Variants in CCR6 observed in about 807,000 individuals in gnomAD.
CCR6 encodes C-C motif chemokine receptor 6.
A neutral mutation model predicts 3.0 loss-of-function variants in CCR6; 2 were observed. The observed-to-expected ratio is 0.66, with a 90% CI of 0.27 to 2.07. The LOEUF (loss-of-function observed/expected upper bound fraction) is 2.07, where lower values mean the gene tolerates loss of function less well. Among genes scored for constraint, CCR6 ranks in the 30% most tolerant of loss-of-function variants. The pLI, the probability that CCR6 is intolerant of heterozygous loss-of-function variation, is 0.14. For synonymous variants in CCR6, 193 were observed against 184.3 expected (o/e 1.05, Z -0.38); for missense variants, 322 against 462.8 (o/e 0.70, Z 2.79).
chr6:167,136,970 C>T lies in CCR6; in HGVS notation c.740C>T (p.Ser247Phe), dbSNP rs868751753. Reference protein sequence around the residue: ...IVKTLVQAQNSKRHKAIRVII... With the variant: ...IVKTLVQAQNFKRHKAIRVII... ...AAAACCTTGGTGCAAGCTCAGAATT[C>T]TAAAAGGCACAAAGCCATCCGTGTA... The change falls in exon 3 of 3, where the codon TCT becomes TTT. Residue 247 changes from serine to phenylalanine, a missense_variant. Ser to Phe is a radical substitution (Grantham distance 155, BLOSUM62 -2). Transcript: ENST00000341935. This position sits in a 1 kb window ranked among gnomAD's most constrained non-coding sequence, Gnocchi z 4.6. The T allele has an allele frequency of 1.2e-6, 2 of 1,614,196 alleles. No individual in the cohort carries two copies. The highest frequency in any genetic ancestry group is 1.3e-5 in the African/African-American group (1 of 75,048).
intron 1 of CCR6, chr6:167,115,206 AG>A (rs889870695): frequency 2.0e-5 from 3 of 152,222 alleles, no homozygotes; most frequent in Admixed American, 1.3e-4. Flanking sequence ...TCCACCCCGC[AG>A]TTGGCTGCTG....
At chr6:167,127,288 A>G (rs1781683284) in intron 1 of CCR6, 1 of 152,202 alleles carries the variant, frequency 6.6e-6, no homozygotes, top group Non-Finnish European at 1.5e-5. Flanking sequence ...ACAGGAACTG[A>G]AAAGGTTCTG....
intron 1 of CCR6, among the ~76,000 whole-genome samples, chr6:167,133,027 T>C (rs987858792): frequency 6.6e-6 from 1 of 152,242 alleles, no homozygotes; most frequent in Non-Finnish European, 1.5e-5. Flanking sequence ...TATAACCTAT[T>C]ATCAGATATA....
At chr6:167,127,905 A>G (rs1235582417) in intron 1 of CCR6, among the ~76,000 whole-genome samples, 2 of 152,216 alleles carry the variant, frequency 1.3e-5, no homozygotes, top group Non-Finnish European at 2.9e-5. Context: ...TCATGGGCAG[A>G]GTTCAGTTCT....
rs9459886 is a variant in CCR6, at chr6:167,136,155, A to G, written c.9+12A>G. 2.2e-3 allele frequency: 3,586 copies of G among 1,613,562 alleles called. 58 individuals are homozygous for G. The African/African-American group carries it at 0.034, about 15-fold the overall frequency. ...CCACAATGAGCGGGGTAAGATTTTT[A>G]TTTTTGGCAAGGGGTATAATTTGGG... is the stretch of plus-strand genomic sequence containing the variant. On this transcript the variant is annotated intron_variant, in intron 2 of 2. Coordinates refer to ENST00000341935, the MANE Select transcript of CCR6 (RefSeq NM_031409.4). This position sits in a 1 kb window ranked among gnomAD's most constrained non-coding sequence, Gnocchi z 4.6.
intron 1 of CCR6, chr6:167,134,942 A>T (rs1781827399): frequency 6.6e-6 from 1 of 152,278 alleles, no homozygotes; most frequent in South Asian, 2.1e-4. Flanking sequence ...AGTTTGCTTC[A>T]GATGGTGGAT....
intron 1 of CCR6, among the ~76,000 whole-genome samples, chr6:167,130,590 G>C (rs1031924187): frequency 6.6e-6 from 1 of 151,710 alleles, no homozygotes; most frequent in African/African-American, 2.4e-5. Flanking sequence ...CTTGGGGAAG[G>C]CCGAATCATT....
chr6:167,130,701 G>T (rs1781739212), intron 1 of CCR6, among the ~76,000 whole-genome samples: 1 of 151,800 alleles, frequency 6.6e-6, no homozygotes, highest in African/African-American at 2.4e-5. Flanking sequence ...TCATTATCTA[G>T]AATTGTACAT....
At position 167,130,913 on chromosome 6, in the gene CCR6, T is replaced by C. The variant is rs369564929; in HGVS notation, c.-97-5125T>C. Reference sequence around the variant, plus strand: ...CTGTGTATCTGGTTCCCTCTGGGCCTCCTTCTCTCAGGGACCCCACCCTCT... The same window carrying C: ...CTGTGTATCTGGTTCCCTCTGGGCCCCCTTCTCTCAGGGACCCCACCCTCT... On this transcript the variant is annotated intron_variant, in intron 1 of 2. Coordinates refer to ENST00000341935, the MANE Select transcript of CCR6 (RefSeq NM_031409.4). Among the ~76,000 whole-genome samples the C allele has an allele frequency of 5.0e-4, 60 of 119,604 alleles. 2 individuals are homozygous for C. Among genetic ancestry groups the C allele is most frequent in the East Asian group, 1.2e-3 (5 of 4,148 alleles). 78.5% of individuals were successfully genotyped at this position (119,604 alleles called of 152,430 possible).
intron 1 of CCR6, among the ~76,000 whole-genome samples, chr6:167,130,930 C>G (rs41470753): frequency 4.1e-5 from 6 of 145,432 alleles, no homozygotes; most frequent in Middle Eastern, 3.5e-3. Context: ...CTCAGGGACC[C>G]CACCCTCTGG....
Position 167,136,593 on chromosome 6 carries a change from A to G in CCR6, c.363A>G (p.Leu121=), listed in dbSNP as rs754346206. ...WVFSNATCKL[L]KGIYAINFNC... is the part of the protein sequence containing the mutation. ...TCAGCAATGCCACGTGCAAGTTGCT[A>G]AAAGGCATCTATGCCATCAACTTTA... is the stretch of plus-strand genomic sequence containing the variant. The change falls in exon 3 of 3, where the codon CTA becomes CTG. Residue 121 remains leucine (L), a synonymous_variant. Transcript: ENST00000341935. The surrounding 1 kb of genome is among the most constrained non-coding windows in gnomAD (Gnocchi z 4.6). 3 of 1,611,796 alleles carry G rather than the reference A, an allele frequency of 1.9e-6. No homozygotes were observed. Among genetic ancestry groups the G allele is most frequent in the East Asian group, 2.2e-5 (1 of 44,828 alleles).
At chr6:167,134,322 G>A (rs1002654314) in intron 1 of CCR6, among the ~76,000 whole-genome samples, 4 of 151,996 alleles carry the variant, frequency 2.6e-5, no homozygotes, top group African/African-American at 9.7e-5. Context: ...TGCAACACAG[G>A]GGTCTATACC....
At chr6:167,117,637 G>A (rs938945818) in intron 1 of CCR6, among the ~76,000 whole-genome samples, 3 of 151,400 alleles carry the variant, frequency 2.0e-5, no homozygotes, top group African/African-American at 4.9e-5. Flanking sequence ...GGATGGTCTC[G>A]ATCTCCTGAC....
At chr6:167,119,548 T>G (rs1205177640), upstream of CCR6, among the ~76,000 whole-genome samples, 2 of 152,188 alleles carry the variant, frequency 1.3e-5, no homozygotes, top group African/African-American at 4.8e-5. Flanking sequence ...GAGAGTAATT[T>G]TCAGGCCAGC....
In CCR6 at chr6:167,117,769, G is replaced by T. The variant is rs6932425; in HGVS notation, c.-98+5755G>T. On this transcript the variant is annotated intron_variant, in intron 1 of 2. Transcript: ENST00000400926. ...GTCCTTAATGTTTTCCACCCCTGTG[G>T]TCTCTATTCCCTCAATGTATTCTTC... is the stretch of plus-strand genomic sequence containing the variant. Among the ~76,000 whole-genome samples the T allele has an allele frequency of 2.1e-3, 319 of 152,080 alleles. 1 individual carries two copies. The highest frequency in any genetic ancestry group is 7.2e-3 in the African/African-American group (299 of 41,492).
intron 1 of CCR6, chr6:167,129,531 T>TCCCTCTGGGCCCCCCTCCCTCCG (rs1781720581): frequency 6.8e-6 from 1 of 148,108 alleles, no homozygotes; most frequent in African/African-American, 2.7e-5. Context: ...TCTATGCTCC[T>TCCCTCTGGGCCCCCCTCCCTCCG]GGACTTCACA....
intron 1 of CCR6, among the ~76,000 whole-genome samples, chr6:167,135,620 A>G (rs1020057424): frequency 3.3e-5 from 5 of 152,254 alleles, no homozygotes; most frequent in African/African-American, 1.2e-4. Flanking sequence ...GATTTTGTTC[A>G]GTAAAATCTT....
At chr6:167,124,082 A>G (rs1781630023) in intron 1 of CCR6, among the ~76,000 whole-genome samples, 1 of 152,238 alleles carries the variant, frequency 6.6e-6, no homozygotes, top group South Asian at 2.1e-4. Context: ...ACTGCACTCC[A>G]GCCGGAGATC....
chr6:167,120,381 C>G (rs1302320127), upstream of CCR6, among the ~76,000 whole-genome samples: 1 of 152,230 alleles, frequency 6.6e-6, no homozygotes, highest in Non-Finnish European at 1.5e-5. Context: ...ACTATCTTTT[C>G]AACTTTGCTG....
Sources: allele counts gnomAD v4.1 joint callset (sites outside exome capture counted in the v4.1 genomes callset), GRCh38; gene constraint gnomAD v4.1.1; non-coding constraint Gnocchi (gnomAD v3.1); transcripts MANE v1.5; gene names NCBI Gene and HGNC (gene_info 2026-07-23, HGNC 2026-07-21).